SLC15A5: variants seen among roughly 807,000 people sequenced by gnomAD.
SLC15A5 encodes solute carrier family 15 member 5, also known as Peptide/histidine transporter ENSP00000340402.
In SLC15A5, 58 loss-of-function variants were observed where a neutral mutation model predicts 56.1. The ratio of observed to expected loss-of-function variants is 1.03; its 90% confidence interval spans 0.84 to 1.29. SLC15A5 has a LOEUF of 1.29. Ranked by LOEUF, SLC15A5 falls within the 50% of genes most tolerant of loss-of-function variation. SLC15A5 has a pLI of 0.00. For synonymous variants in SLC15A5, 264 were observed against 250.5 expected, an observed-to-expected ratio of 1.05 and a Z score of -0.51; for missense variants, 681 against 672.1, an observed-to-expected ratio of 1.01 and a Z score of -0.15.
intron 7 of SLC15A5, among the ~76,000 whole-genome samples, chr12:16,195,349 T>C (rs1863883574): frequency 6.6e-6 from 1 of 152,082 alleles, no homozygotes; most frequent in African/African-American, 2.4e-5. Flanking sequence ...ATTGTATATG[T>C]GATACTTAAT....
intron 7 of SLC15A5, among the ~76,000 whole-genome samples, chr12:16,209,816 T>G (rs1864061227): frequency 6.6e-6 from 1 of 152,220 alleles, no homozygotes; most frequent in Non-Finnish European, 1.5e-5. Context: ...TTCATTACTA[T>G]TCCAGACTTT....
intron 7 of SLC15A5, among the ~76,000 whole-genome samples, chr12:16,199,544 G>T (rs561371731): frequency 3.3e-5 from 5 of 151,966 alleles, no homozygotes; most frequent in East Asian, 1.9e-4. Context: ...TCATCCTTCC[G>T]TATCACTACT....
intron 2 of SLC15A5, among the ~76,000 whole-genome samples, chr12:16,258,990 C>CTTTTTTTTTTT (rs35905307): frequency 1.7e-5 from 2 of 118,458 alleles, no homozygotes; most frequent in Admixed American, 9.5e-5. Flanking sequence ...TCTTCTTTTT[C>CTTTTTTTTTTT]TTTTTTTTTT....
chr12:16,218,527 C>T (rs1409623219), intron 6 of SLC15A5, among the ~76,000 whole-genome samples: 1 of 152,144 alleles, frequency 6.6e-6, no homozygotes, highest in Non-Finnish European at 1.5e-5. Context: ...CTACTACACA[C>T]CTAGGCTATA....
rs1565666256 is a variant in SLC15A5, at chr12:16,235,461, T to C, written c.1162+4220A>G. 6.6e-6 allele frequency among the ~76,000 whole-genome samples: 1 copy of C among 152,006 alleles called. No individual in the cohort carries two copies. The highest frequency in any genetic ancestry group is 1.5e-5 in the Non-Finnish European group (1 of 67,928). On this transcript the variant is annotated intron_variant, in intron 5 of 8. Transcript: ENST00000344941. The surrounding 1 kb of genome is among the most constrained non-coding windows in gnomAD (Gnocchi z 4.1). ...TAGTCATTTACATAGAGATAAAATA[T>C]GCAAATGTATCTCTATAAGGCATCA...
chr12:16,224,778 G>A lies in SLC15A5; in HGVS notation c.1163-176C>T, dbSNP rs143081898. On this transcript the variant is annotated intron_variant, in intron 5 of 8. Transcript: ENST00000344941. ...GTTCTAGGGTACATGTGTACAATGT[G>A]CAGGTTTGTTACATATGTATACATG... Among the ~76,000 whole-genome samples, 22 of 151,424 alleles carry A rather than the reference G, an allele frequency of 1.5e-4. No homozygotes were observed. The East Asian group carries it at 4.3e-3, about 29-fold the overall frequency.
intron 7 of SLC15A5, among the ~76,000 whole-genome samples, chr12:16,198,677 G>A (rs4598715): frequency 0.48 from 73,125 of 151,880 alleles, 18,058 homozygotes; most frequent in South Asian, 0.72. Flanking sequence ...ACCTAAGGAC[G>A]ACATTTCTAC....
At chr12:16,273,127 C>T (rs1864778652) in intron 1 of SLC15A5, among the ~76,000 whole-genome samples, 1 of 151,984 alleles carries the variant, frequency 6.6e-6, no homozygotes, top group South Asian at 2.1e-4. Context: ...AGTATTCCCA[C>T]CCCCAGAGAA....
At chr12:16,255,796 A>C (rs1028195845) in intron 3 of SLC15A5, among the ~76,000 whole-genome samples, 1 of 152,128 alleles carries the variant, frequency 6.6e-6, no homozygotes, top group African/African-American at 2.4e-5. Flanking sequence ...AAGTAAAAAA[A>C]AAGCAAGTGA....
intron 2 of SLC15A5, among the ~76,000 whole-genome samples, chr12:16,272,048 A>C (rs967249109): frequency 1.3e-5 from 2 of 152,220 alleles, no homozygotes; most frequent in East Asian, 3.9e-4. Context: ...ATCTCTGCCA[A>C]ATTAGTCTAT....
intron 3 of SLC15A5, among the ~76,000 whole-genome samples, chr12:16,247,555 A>G (rs918194886): frequency 1.3e-5 from 2 of 152,182 alleles, no homozygotes; most frequent in African/African-American, 4.8e-5. Context: ...ATAGAGACCC[A>G]TTGTGGGGTA....
At chr12:16,236,556 G>A (rs1864353949) in intron 5 of SLC15A5, among the ~76,000 whole-genome samples, 1 of 152,154 alleles carries the variant, frequency 6.6e-6, no homozygotes, top group Non-Finnish European at 1.5e-5. Context: ...TTATGAGCTA[G>A]ATAAAAAAGT....
intron 7 of SLC15A5, among the ~76,000 whole-genome samples, 174 bp from the exon 8 acceptor site, chr12:16,194,627 T>A (rs1863876637): frequency 6.6e-6 from 1 of 152,068 alleles, no homozygotes; most frequent in Admixed American, 6.6e-5. Context: ...AATAGTAAAA[T>A]GATAAGCAAA....
intron 7 of SLC15A5, among the ~76,000 whole-genome samples, chr12:16,198,352 C>T (rs1592106898): frequency 6.6e-6 from 1 of 152,148 alleles, no homozygotes; most frequent in East Asian, 1.9e-4. Flanking sequence ...GAGCATTAGG[C>T]CTTGTAGACA....
intron 2 of SLC15A5, among the ~76,000 whole-genome samples, chr12:16,261,155 A>G (rs140693025): frequency 2.9e-4 from 44 of 152,308 alleles, no homozygotes; most frequent in Non-Finnish European, 5.0e-4. Flanking sequence ...TACACACAAA[A>G]TAATTACGAC....
chr12:16,274,840 A>G (rs988812092), intron 1 of SLC15A5, among the ~76,000 whole-genome samples: 1 of 152,124 alleles, frequency 6.6e-6, no homozygotes, highest in Non-Finnish European at 1.5e-5. Context: ...TCTTTTGAGA[A>G]AATGTCATAA....
At chr12:16,216,147 AT>A (rs1291553862) in intron 7 of SLC15A5, among the ~76,000 whole-genome samples, 3 of 152,224 alleles carry the variant, frequency 2.0e-5, no homozygotes, top group Non-Finnish European at 4.4e-5. Flanking sequence ...ACTTGTGATC[AT>A]TTCCATAAAA....
chr12:16,199,474 G>T (rs964059857), intron 7 of SLC15A5, among the ~76,000 whole-genome samples: 3 of 151,982 alleles, frequency 2.0e-5, no homozygotes, highest in African/African-American at 7.2e-5. Flanking sequence ...TTGCTTTAAT[G>T]CATAATTACT....
chr12:16,265,360 T>C (rs906081654), intron 2 of SLC15A5, among the ~76,000 whole-genome samples: 4 of 152,234 alleles, frequency 2.6e-5, no homozygotes, highest in East Asian at 1.9e-4. Context: ...GACCTACTCA[T>C]GTTTGTCTCC....
Sources: gnomAD v4.1 joint callset for allele counts (sites outside exome capture counted in the v4.1 genomes callset) on GRCh38, gnomAD v4.1.1 for gene constraint, Gnocchi (gnomAD v3.1) non-coding constraint, MANE v1.5 for transcripts, NCBI Gene and HGNC (gene_info 2026-07-23, HGNC 2026-07-21) for gene names.